Variants in LOC128462377 observed in about 807,000 individuals in gnomAD.
At chr16:89,328,591 G>A in the LOC128462377 span, among the ~76,000 whole-genome samples, 9 of 151,902 alleles carry the variant, frequency 5.9e-5, no homozygotes, top group South Asian at 1.9e-3. Context: ...CCAGGCGTAC[G>A]GGTGAATCTG....
chr16:89,380,329 C>G, the LOC128462377 span, among the ~76,000 whole-genome samples: 1 of 152,202 alleles, frequency 6.6e-6, no homozygotes, highest in Non-Finnish European at 1.5e-5. Context: ...CCAAGCTGGT[C>G]TCAAACTCCT....
chr16:89,366,672 T>A, the LOC128462377 span, among the ~76,000 whole-genome samples: 1 of 152,192 alleles, frequency 6.6e-6, no homozygotes, highest in South Asian at 2.1e-4. Context: ...ATGAGGGTGC[T>A]GAGACATGTC....
the LOC128462377 span, among the ~76,000 whole-genome samples, chr16:89,393,850 G>A: frequency 6.6e-6 from 1 of 152,114 alleles, no homozygotes; most frequent in Non-Finnish European, 1.5e-5. Context: ...GTCAGACAGT[G>A]GGAATAATCA....
At chr16:89,338,424 TAAAAAAAAAAA>T in the LOC128462377 span, among the ~76,000 whole-genome samples, 180 of 127,014 alleles carry the variant, frequency 1.4e-3, 2 homozygotes, top group African/African-American at 5.1e-3. Flanking sequence ...TACACTCTGT[TAAAAAAAAAAA>T]AAAAAAAAAG....
the LOC128462377 span, among the ~76,000 whole-genome samples, chr16:89,379,458 C>T: frequency 1.3e-5 from 2 of 152,244 alleles, no homozygotes; most frequent in Non-Finnish European, 1.5e-5. Context: ...CCAAAACCAG[C>T]TCATGTAACT....
At chr16:89,392,449 C>T in the LOC128462377 span, 3 of 151,994 alleles carry the variant, frequency 2.0e-5, no homozygotes, top group South Asian at 2.1e-4. Flanking sequence ...AATGGGTAAA[C>T]GATGGAAATA....
At chr16:89,391,746 T>C in the LOC128462377 span, among the ~76,000 whole-genome samples, 2 of 151,988 alleles carry the variant, frequency 1.3e-5, no homozygotes, top group Non-Finnish European at 2.9e-5. Context: ...AAAGCAGAGG[T>C]TCCTCTTCAA....
At chr16:89,404,077 G>A in the LOC128462377 span, among the ~76,000 whole-genome samples, 2 of 152,166 alleles carry the variant, frequency 1.3e-5, no homozygotes, top group Admixed American at 6.5e-5. Flanking sequence ...CAGAGCAAAC[G>A]CTGCATCACA....
the LOC128462377 span, among the ~76,000 whole-genome samples, chr16:89,351,412 C>A: frequency 6.6e-6 from 1 of 152,236 alleles, no homozygotes; most frequent in Admixed American, 6.5e-5. Flanking sequence ...GACTTCACCA[C>A]ACACCCTCCA....
At chr16:89,355,228 G>C in the LOC128462377 span, among the ~76,000 whole-genome samples, 1 of 151,678 alleles carries the variant, frequency 6.6e-6, no homozygotes, top group East Asian at 1.9e-4. Flanking sequence ...GGCTCACGGA[G>C]GGAGGGCGGA....
chr16:89,374,780 C>T, the LOC128462377 span, among the ~76,000 whole-genome samples: 1 of 152,180 alleles, frequency 6.6e-6, no homozygotes, highest in Non-Finnish European at 1.5e-5. Context: ...TGGACACACA[C>T]GTGTGCACAG....
the LOC128462377 span, among the ~76,000 whole-genome samples, chr16:89,346,433 C>G: frequency 1.3e-5 from 2 of 152,106 alleles, no homozygotes; most frequent in East Asian, 1.9e-4. Flanking sequence ...CCAATAATCA[C>G]ATAGAAAATA....
chr16:89,322,862 T>C, the LOC128462377 span, among the ~76,000 whole-genome samples: 1 of 152,224 alleles, frequency 6.6e-6, no homozygotes, highest in Non-Finnish European at 1.5e-5. Context: ...TGTTTGTTTG[T>C]TTGTTTGAGA....
At chr16:89,362,005 C>T in the LOC128462377 span, among the ~76,000 whole-genome samples, 4 of 152,254 alleles carry the variant, frequency 2.6e-5, no homozygotes, top group Admixed American at 2.0e-4. Context: ...GCAGGAGGAC[C>T]CTGAATTTAT....
the LOC128462377 span, among the ~76,000 whole-genome samples, chr16:89,336,250 C>A: frequency 6.6e-6 from 1 of 152,226 alleles, no homozygotes; most frequent in African/African-American, 2.4e-5. Flanking sequence ...ATCAACAGAG[C>A]TGGACCTGGT....
the LOC128462377 span, among the ~76,000 whole-genome samples, chr16:89,405,490 C>CT: frequency 5.1e-4 from 72 of 141,058 alleles, no homozygotes; most frequent in African/African-American, 1.9e-3. Context: ...ACACCTGGCT[C>CT]ATTTTTTTTT....
chr16:89,359,419 G>C, the LOC128462377 span, among the ~76,000 whole-genome samples: 7 of 152,202 alleles, frequency 4.6e-5, no homozygotes, highest in African/African-American at 2.4e-5. Context: ...GGAGCAGGAA[G>C]ACCTTCCAGC....
the LOC128462377 span, among the ~76,000 whole-genome samples, chr16:89,330,314 TG>T: frequency 6.6e-6 from 1 of 151,712 alleles, no homozygotes; most frequent in East Asian, 1.9e-4. Context: ...TCTGGGTGGG[TG>T]GGAAGGCTCG....
the LOC128462377 span, among the ~76,000 whole-genome samples, chr16:89,346,178 G>A: frequency 6.6e-5 from 10 of 151,270 alleles, no homozygotes; most frequent in African/African-American, 2.4e-4. Context: ...GAACCCAGGA[G>A]GTGAGGTTGT....
Sources: gnomAD v4.1 joint callset for allele counts (sites outside exome capture counted in the v4.1 genomes callset) on GRCh38, gnomAD v4.1.1 for gene constraint, MANE v1.5 for transcripts.